The following KANSL1L variants were observed in gnomAD, a reference collection of about 807,000 sequenced individuals.
The protein encoded by KANSL1L is KAT8 regulatory NSL complex subunit 1 like.
Under a neutral mutation model 108.6 loss-of-function variants are expected in KANSL1L, and 25 were observed. The ratio of observed to expected loss-of-function variants is 0.23; its 90% confidence interval spans 0.17 to 0.32. The LOEUF (loss-of-function observed/expected upper bound fraction) is 0.32, where lower values mean the gene tolerates loss of function less well. KANSL1L is among the 10% of genes least tolerant of loss of function. The pLI, the probability that KANSL1L is intolerant of heterozygous loss-of-function variation, is 1.00. For missense variants in KANSL1L, 1,137 were observed against 1,125.7 expected (o/e 1.01, Z -0.14); for synonymous variants, 405 against 395.1 (o/e 1.03, Z -0.30).
intron 2 of KANSL1L, among the ~76,000 whole-genome samples, chr2:210,143,506 C>T (rs186020138): frequency 7.2e-5 from 11 of 152,104 alleles, no homozygotes; most frequent in African/African-American, 9.6e-5. Flanking sequence ...TTTCTGTTTT[C>T]GTTTTGTTTT....
chr2:210,029,857 A>G lies in KANSL1L; in HGVS notation c.2217T>C (p.Asn739=), dbSNP rs760410272. 6.2e-7 allele frequency: 1 copy of G among 1,607,984 alleles called. No individual in the cohort carries two copies. Among genetic ancestry groups the G allele is most frequent in the Non-Finnish European group, 8.5e-7 (1 of 1,176,418 alleles). The change falls in exon 10 of 15, where the codon AAT becomes AAC. Residue 739 remains asparagine, a synonymous_variant. Coordinates refer to ENST00000281772, the MANE Select transcript of KANSL1L (RefSeq NM_152519.4). The part of the protein sequence containing the change: ...FQHTESGSHS[N]FTAVSNVNVL... ...CGTTGACATTGGAAACAGCAGTAAA[A>G]TTGCTATGGGATCCTGATTCTGTGT... is the stretch of plus-strand genomic sequence containing the variant.
intron 5 of KANSL1L, among the ~76,000 whole-genome samples, chr2:210,075,979 A>T (rs2125327297): frequency 6.6e-6 from 1 of 152,294 alleles, no homozygotes; most frequent in South Asian, 2.1e-4. Context: ...TCTCCTGCAA[A>T]ACAAATATAC....
intron 2 of KANSL1L, among the ~76,000 whole-genome samples, chr2:210,132,889 T>C (rs1312044976): frequency 6.6e-6 from 1 of 152,210 alleles, no homozygotes; most frequent in Non-Finnish European, 1.5e-5. Flanking sequence ...GAATGGTTTA[T>C]TCCTTGAGTT....
chr2:210,154,523 A>G lies in KANSL1L; in HGVS notation c.60T>C (p.Ser20=). 6.3e-7 allele frequency: 1 copy of G among 1,587,148 alleles called. No homozygotes were observed. The highest frequency in any genetic ancestry group is 1.4e-5 in the African/African-American group (1 of 73,938). Residue 20 remains serine, a synonymous_variant, in exon 2 of 15, where the codon AGT becomes AGC. Coordinates refer to ENST00000281772, the MANE Select transcript of KANSL1L (RefSeq NM_152519.4). The part of the protein sequence containing the change: ...AKGISFSSLP[S]TMESDKMLYM... ...AGAGCATCTTGTCAGACTCCATGGT[A>G]CTTGGCAAAGATGAAAAGCTGATAC...
intron 4 of KANSL1L, among the ~76,000 whole-genome samples, chr2:210,101,382 T>C (rs1478401751): frequency 6.6e-6 from 1 of 152,196 alleles, no homozygotes; most frequent in Non-Finnish European, 1.5e-5. Flanking sequence ...CTAAAAAAAC[T>C]GGGGATATCA....
rs2093916279 is a variant in KANSL1L, at chr2:210,025,009, G to C, written c.2564+95C>G. On this transcript the variant is annotated intron_variant, in intron 13 of 14. Transcript: ENST00000281772. ...ACAATAGCTGATGTTACAACAGCAT[G>C]TTTTCCTTTTTACTGGTCTCACCCA... is the stretch of plus-strand genomic sequence containing the variant. The C allele has an allele frequency of 2.4e-5, 18 of 763,466 alleles. No individual in the cohort carries two copies. The East Asian group carries it at 4.5e-4, about 19-fold the overall frequency. The allele number at this position is 763,466 out of a possible 1,614,324, so 47.3% of individuals were successfully genotyped here.
At chr2:210,112,360 T>C (rs893720422) in intron 3 of KANSL1L, among the ~76,000 whole-genome samples, 7 of 152,104 alleles carry the variant, frequency 4.6e-5, no homozygotes, top group East Asian at 1.9e-4. Context: ...AGGTACCAGA[T>C]AGAAAAGACA....
intron 2 of KANSL1L, among the ~76,000 whole-genome samples, chr2:210,142,813 A>G (rs991119300): frequency 7.2e-5 from 11 of 152,218 alleles, no homozygotes; most frequent in African/African-American, 2.6e-4. Context: ...TGGCTGGAAA[A>G]AATACTTGAT....
At chr2:210,033,882 CA>C (rs1447350669) in intron 8 of KANSL1L, among the ~76,000 whole-genome samples, 3 of 151,942 alleles carry the variant, frequency 2.0e-5, no homozygotes, top group Non-Finnish European at 2.9e-5. Context: ...GTTTTTTTCA[CA>C]TTTATTTTCC....
At chr2:210,038,990 T>G (rs975630751) in intron 8 of KANSL1L, among the ~76,000 whole-genome samples, 1 of 151,976 alleles carries the variant, frequency 6.6e-6, no homozygotes, top group Non-Finnish European at 1.5e-5. Context: ...ACTAAGCCAT[T>G]TTATCAACAT....
At chr2:210,139,300 C>T (rs532551108) in intron 2 of KANSL1L, among the ~76,000 whole-genome samples, 1 of 152,258 alleles carries the variant, frequency 6.6e-6, no homozygotes, top group African/African-American at 2.4e-5. Flanking sequence ...ACTACATTTT[C>T]CTTATCCATT....
chr2:210,158,604 T>G (rs1437299694), intron 1 of KANSL1L, among the ~76,000 whole-genome samples: 1 of 152,090 alleles, frequency 6.6e-6, no homozygotes, highest in Non-Finnish European at 1.5e-5. Flanking sequence ...TATGAAGACT[T>G]TTAAGCTCTA....
At chr2:210,073,774 A>AACACACAC (rs372708042) in intron 6 of KANSL1L, among the ~76,000 whole-genome samples, 83 of 142,000 alleles carry the variant, frequency 5.8e-4, no homozygotes, top group African/African-American at 1.5e-3. Flanking sequence ...GAAACACACA[A>AACACACAC]ACACACACAC....
chr2:210,111,756 A>G (rs550490869), intron 3 of KANSL1L, among the ~76,000 whole-genome samples: 4 of 151,670 alleles, frequency 2.6e-5, no homozygotes, highest in Non-Finnish European at 1.5e-5. Flanking sequence ...ATTATACTTT[A>G]AGTTTTAGGG....
intron 1 of KANSL1L, among the ~76,000 whole-genome samples, chr2:210,166,335 T>A (rs1019445703): frequency 3.9e-5 from 6 of 152,110 alleles, no homozygotes; most frequent in African/African-American, 1.4e-4. Context: ...ACTGAGTTGG[T>A]CCAGACAGTT....
chr2:210,101,757 A>G (rs531841306), intron 4 of KANSL1L, among the ~76,000 whole-genome samples: 1 of 152,378 alleles, frequency 6.6e-6, no homozygotes, highest in African/African-American at 2.4e-5. Flanking sequence ...ATTCCAATTA[A>G]GAAAAACTCT....
At chr2:210,087,852 T>C (rs1041091451) in intron 5 of KANSL1L, among the ~76,000 whole-genome samples, 29 of 152,336 alleles carry the variant, frequency 1.9e-4, no homozygotes, top group African/African-American at 6.7e-4. Flanking sequence ...ATACTACCAA[T>C]TGGTCAATTT....
chr2:210,040,463 A>T lies in KANSL1L; in HGVS notation c.1986T>A (p.Ala662=), dbSNP rs188285074. 1 of 1,568,182 alleles carries T rather than the reference A, an allele frequency of 6.4e-7. No homozygotes were observed. Among genetic ancestry groups the T allele is most frequent in the South Asian group, 1.1e-5 (1 of 88,464 alleles). Residue 662 remains alanine (A), a synonymous_variant, in exon 8 of 15, where the codon GCT becomes GCA. Transcript: ENST00000281772. The part of the protein sequence containing the change: ...LKKTEIKGNL[A]ENKFVDEYII... Reference sequence around the variant, plus strand: ...TATATTCATCTACAAATTTATTTTCAGCAAGATTGCCTTTTATTTCAGTCT... The same window carrying T: ...TATATTCATCTACAAATTTATTTTCTGCAAGATTGCCTTTTATTTCAGTCT...
At chr2:210,086,294 T>C (rs62201632) in intron 5 of KANSL1L, among the ~76,000 whole-genome samples, 2,242 of 152,190 alleles carry the variant, frequency 0.015, 27 homozygotes, top group Non-Finnish European at 0.025. Flanking sequence ...ATTCACTTTC[T>C]CAAAGATAAT....
Sources: allele counts gnomAD v4.1 joint callset (sites outside exome capture counted in the v4.1 genomes callset), GRCh38; gene constraint gnomAD v4.1.1; transcripts MANE v1.5; gene names NCBI Gene and HGNC (gene_info 2026-07-23, HGNC 2026-07-21).